The following RHOBTB1 variants were observed in gnomAD, a reference collection of about 807,000 sequenced individuals.
RHOBTB1 encodes rho-related BTB domain-containing protein 1.
RHOBTB1 carries 40 observed loss-of-function variants against 71.6 expected under a neutral mutation model. The observed-to-expected ratio is 0.56, with a 90% CI of 0.43 to 0.73. The LOEUF is 0.73. Among genes scored for constraint, RHOBTB1 ranks in the 30% least tolerant of loss-of-function variants. RHOBTB1 has a pLI of 0.00. For missense variants in RHOBTB1, 797 were observed against 894.0 expected (o/e 0.89, Z 1.38); for synonymous variants, 319 against 334.9 (o/e 0.95, Z 0.52).
chr10:60,971,165 T>C (rs2086142607), intron 2 of RHOBTB1, among the ~76,000 whole-genome samples: 3 of 152,042 alleles, frequency 2.0e-5, no homozygotes, highest in Non-Finnish European at 4.4e-5. Context: ...TTTTTCACTT[T>C]GTATTTGTAG....
At chr10:60,958,114 C>T (rs1164310547) in intron 2 of RHOBTB1, among the ~76,000 whole-genome samples, 1 of 151,992 alleles carries the variant, frequency 6.6e-6, no homozygotes, top group Non-Finnish European at 1.5e-5. Flanking sequence ...AAACAGCCAA[C>T]GTCAAACTAA....
chr10:60,940,823 A>C (rs2084864273), intron 2 of RHOBTB1, among the ~76,000 whole-genome samples: 1 of 152,182 alleles, frequency 6.6e-6, no homozygotes, highest in African/African-American at 2.4e-5. Context: ...CAGAGTGGAA[A>C]ATGCTGAACT....
At chr10:60,957,797 A>G (rs911525058) in intron 2 of RHOBTB1, among the ~76,000 whole-genome samples, 4 of 152,204 alleles carry the variant, frequency 2.6e-5, no homozygotes, top group Non-Finnish European at 5.9e-5. Flanking sequence ...CACACTGTTC[A>G]GTGCTTTTCC....
intron 4 of RHOBTB1, among the ~76,000 whole-genome samples, chr10:60,899,794 G>A (rs1281911906): frequency 2.0e-5 from 3 of 152,174 alleles, no homozygotes; most frequent in Non-Finnish European, 4.4e-5. Flanking sequence ...AGTGAAGACA[G>A]ACAATCAAGA....
At chr10:60,953,167 A>G (rs2085472391) in intron 2 of RHOBTB1, among the ~76,000 whole-genome samples, 1 of 152,190 alleles carries the variant, frequency 6.6e-6, no homozygotes, top group African/African-American at 2.4e-5. Flanking sequence ...AAATATATGG[A>G]CAACATGGGT....
chr10:60,966,526 G>C (rs1589431219), intron 2 of RHOBTB1, among the ~76,000 whole-genome samples: 1 of 151,372 alleles, frequency 6.6e-6, no homozygotes, highest in East Asian at 2.0e-4. Context: ...AAAAAAGTTG[G>C]AAACTATAAT....
chr10:60,899,303 G>A (rs1412842974), intron 4 of RHOBTB1, among the ~76,000 whole-genome samples: 1 of 152,212 alleles, frequency 6.6e-6, no homozygotes, highest in African/African-American at 2.4e-5. Flanking sequence ...AGACGAAGGT[G>A]AAATTGTGGT....
intron 6 of RHOBTB1, among the ~76,000 whole-genome samples, chr10:60,886,982 C>T (rs768008265): frequency 2.6e-5 from 4 of 151,590 alleles, no homozygotes; most frequent in Admixed American, 6.6e-5. Flanking sequence ...TATGATTACA[C>T]CTAAGAAAAT....
intron 4 of RHOBTB1, among the ~76,000 whole-genome samples, chr10:60,902,469 A>G (rs1263666043): frequency 6.6e-6 from 1 of 152,214 alleles, no homozygotes; most frequent in Non-Finnish European, 1.5e-5. Flanking sequence ...AAGATCTTGA[A>G]AATGATACCC....
chr10:60,928,413 T>C (rs772666728), intron 2 of RHOBTB1, among the ~76,000 whole-genome samples: 35 of 151,936 alleles, frequency 2.3e-4, no homozygotes, highest in Non-Finnish European at 1.5e-5. Context: ...AACCAAGATA[T>C]GGAATAAACC....
intron 4 of RHOBTB1, among the ~76,000 whole-genome samples, chr10:60,901,178 G>T (rs1390301184): frequency 6.6e-6 from 1 of 152,152 alleles, no homozygotes; most frequent in Middle Eastern, 3.2e-3. Context: ...ATTCACTAAT[G>T]TGATTTCTGT....
chr10:60,966,925 T>G (rs2085983255), intron 2 of RHOBTB1, among the ~76,000 whole-genome samples: 1 of 150,884 alleles, frequency 6.6e-6, no homozygotes, highest in African/African-American at 2.4e-5. Flanking sequence ...ATAGCAGCAC[T>G]GCGCCAGGCA....
At chr10:60,884,416 G>A (rs757734428) in intron 7 of RHOBTB1, among the ~76,000 whole-genome samples, 4 of 152,174 alleles carry the variant, frequency 2.6e-5, no homozygotes, top group Non-Finnish European at 5.9e-5. Flanking sequence ...TTTTAAAAAA[G>A]ATGTTAAAAA....
chr10:60,977,811 C>A (rs1056538738), intron 2 of RHOBTB1, among the ~76,000 whole-genome samples: 3 of 152,016 alleles, frequency 2.0e-5, no homozygotes, highest in African/African-American at 7.2e-5. Flanking sequence ...TGCTTTACTG[C>A]CTTTAAAACA....
downstream of RHOBTB1, among the ~76,000 whole-genome samples, chr10:60,865,560 G>A (rs556457041): frequency 1.4e-4 from 22 of 152,280 alleles, no homozygotes; most frequent in African/African-American, 5.1e-4. Flanking sequence ...AGGCCAGATG[G>A]GATGGAATAA....
chr10:60,901,279 T>G (rs2082402445), intron 4 of RHOBTB1, among the ~76,000 whole-genome samples: 1 of 152,208 alleles, frequency 6.6e-6, no homozygotes, highest in Admixed American at 6.5e-5. Flanking sequence ...GTGGACTAAT[T>G]TTGAAAGTCT....
At chr10:60,921,648 G>A (rs1050535172) in intron 2 of RHOBTB1, among the ~76,000 whole-genome samples, 12 of 152,128 alleles carry the variant, frequency 7.9e-5, no homozygotes, top group African/African-American at 1.4e-4. Flanking sequence ...TTCAATAAAC[G>A]TTTGTTGAAT....
chr10:60,932,401 T>A (rs1360103210), intron 2 of RHOBTB1, among the ~76,000 whole-genome samples: 1 of 151,520 alleles, frequency 6.6e-6, no homozygotes, highest in Non-Finnish European at 1.5e-5. Flanking sequence ...TACTGGTTCT[T>A]GATCTAGGTG....
chr10:60,975,144 G>T (rs1410459783), intron 2 of RHOBTB1, among the ~76,000 whole-genome samples: 3 of 151,978 alleles, frequency 2.0e-5, no homozygotes, highest in South Asian at 2.1e-4. Context: ...TTCTCTAAAG[G>T]TATAGATATA....
Sources: gnomAD v4.1 joint callset for allele counts (sites outside exome capture counted in the v4.1 genomes callset) on GRCh38, gnomAD v4.1.1 for gene constraint, MANE v1.5 for transcripts, NCBI Gene and HGNC (gene_info 2026-07-23, HGNC 2026-07-21) for gene names.